The following DCC variants were observed in gnomAD, a reference collection of about 807,000 sequenced individuals.
DCC encodes the protein netrin receptor DCC.
In DCC, 58 loss-of-function variants were observed where a neutral mutation model predicts 172.5. That is an observed-to-expected ratio of 0.34 (90% CI 0.27 to 0.42). The LOEUF (loss-of-function observed/expected upper bound fraction) is 0.42. DCC is among the 10% of genes least tolerant of loss of function. The probability of loss-of-function intolerance (pLI) is 1.00; values close to 1 mark genes in which losing one functional copy is unlikely to be tolerated. For synonymous variants in DCC, 709 were observed against 644.5 expected (o/e 1.10, Z -1.52); for missense variants, 1,740 against 1,791.0 (o/e 0.97, Z 0.51).
At chr18:52,617,816 G>A (rs185997520) in intron 1 of DCC, among the ~76,000 whole-genome samples, 89 of 152,126 alleles carry the variant, frequency 5.9e-4, no homozygotes, top group African/African-American at 2.1e-3. Context: ...ATGAAGAGAA[G>A]CTTATTTTGC....
intron 2 of DCC, among the ~76,000 whole-genome samples, chr18:52,882,806 T>C (rs1249819364): frequency 2.0e-5 from 3 of 152,136 alleles, no homozygotes; most frequent in Non-Finnish European, 4.4e-5. Context: ...ATCTGATGTT[T>C]CTTTGTTGAT....
intron 12 of DCC, among the ~76,000 whole-genome samples, chr18:53,223,833 C>T (rs2055980123): frequency 6.6e-6 from 1 of 152,100 alleles, no homozygotes; most frequent in South Asian, 2.1e-4. Context: ...CTATTTTAGT[C>T]AATATTCTAG....
chr18:53,490,762 GTA>G (rs1599211469), intron 26 of DCC, among the ~76,000 whole-genome samples: 1 of 152,230 alleles, frequency 6.6e-6, no homozygotes, highest in Non-Finnish European at 1.5e-5. Flanking sequence ...TGAAATGAGA[GTA>G]TTTCACTGGC....
chr18:53,145,070 G>C (rs1489509506), intron 7 of DCC, among the ~76,000 whole-genome samples: 2 of 143,416 alleles, frequency 1.4e-5, no homozygotes, highest in East Asian at 4.4e-4. Context: ...AAGTGGTGGG[G>C]CCTTTTGGGA....
chr18:53,024,150 T>G (rs1168013942), intron 5 of DCC, among the ~76,000 whole-genome samples: 2 of 152,176 alleles, frequency 1.3e-5, no homozygotes, highest in African/African-American at 2.4e-5. Flanking sequence ...CCTATTTGCC[T>G]TTAGCTCAGG....
intron 1 of DCC, among the ~76,000 whole-genome samples, chr18:52,660,324 T>C (rs2035334642): frequency 6.6e-6 from 1 of 152,102 alleles, no homozygotes; most frequent in South Asian, 2.1e-4. Flanking sequence ...TCTTTTCCTT[T>C]TTCTGCAACT....
intron 1 of DCC, among the ~76,000 whole-genome samples, chr18:52,377,326 C>A (rs1201555347): frequency 2.0e-5 from 3 of 152,138 alleles, no homozygotes; most frequent in Non-Finnish European, 4.4e-5. Flanking sequence ...TGGTCTTTTT[C>A]TAATGGTGAC....
chr18:52,467,053 A>AAT (rs558844229), intron 1 of DCC, among the ~76,000 whole-genome samples: 11 of 150,692 alleles, frequency 7.3e-5, no homozygotes, highest in African/African-American at 2.7e-4. Flanking sequence ...TTAAAAAAAA[A>AAT]ATATATATAT....
rs775918127 is a variant in DCC, at chr18:53,459,291, C to G, written c.3452C>G (p.Pro1151Arg). The G allele has an allele frequency of 6.2e-7, 1 of 1,614,148 alleles. No individual in the cohort carries two copies. The highest frequency in any genetic ancestry group is 8.5e-7 in the Non-Finnish European group (1 of 1,180,022). Residue 1151 changes from proline to arginine, a missense_variant, in exon 24 of 29, where the codon CCT becomes CGT. Pro to Arg is a moderately radical substitution (Grantham distance 103). This residue lies in a region of DCC where 1,732 missense variants were observed against 1,767.4 expected (regional missense o/e 0.98). Transcript: ENST00000442544. ...GGCAGCCAGAAGGACCTCCGACCCC[C>G]TGATCTTTGGATCCATCATGAAGAA... ...RKGSQKDLRP[P>R]DLWIHHEEME...
At chr18:53,357,536 C>A (rs904473849) in intron 15 of DCC, among the ~76,000 whole-genome samples, 3 of 152,132 alleles carry the variant, frequency 2.0e-5, no homozygotes, top group African/African-American at 4.8e-5. Context: ...TGAATAAGTA[C>A]CATGTAGAGA....
chr18:52,720,078 G>GAT (rs1334209859), intron 1 of DCC, among the ~76,000 whole-genome samples: 1 of 152,072 alleles, frequency 6.6e-6, no homozygotes, highest in Non-Finnish European at 1.5e-5. Context: ...GGCTAGGTAT[G>GAT]ATACGGTGGC....
intron 1 of DCC, among the ~76,000 whole-genome samples, chr18:52,728,930 G>T (rs762387781): frequency 2.2e-4 from 33 of 152,186 alleles, no homozygotes; most frequent in Non-Finnish European, 4.7e-4. Flanking sequence ...GTTTGGAGAA[G>T]TGATTAGAAA....
At chr18:52,343,375 T>C (rs913265657) in intron 1 of DCC, among the ~76,000 whole-genome samples, 18 of 152,120 alleles carry the variant, frequency 1.2e-4, no homozygotes, top group African/African-American at 3.9e-4. Context: ...ACTTTGTTGA[T>C]TGGTAACAAA....
intron 1 of DCC, among the ~76,000 whole-genome samples, chr18:52,526,011 C>T (rs1350123856): frequency 6.6e-6 from 1 of 152,174 alleles, no homozygotes; most frequent in Non-Finnish European, 1.5e-5. Context: ...CCTTTATTTT[C>T]TTTATATAAT....
intron 5 of DCC, among the ~76,000 whole-genome samples, chr18:52,962,143 A>C (rs1004447947): frequency 8.6e-5 from 13 of 150,560 alleles, no homozygotes; most frequent in Non-Finnish European, 1.2e-4. Context: ...CTGCACAGCA[A>C]AAGAAACTAC....
chr18:53,428,345 T>TATAATATA (rs1911217213), intron 21 of DCC, among the ~76,000 whole-genome samples: 1 of 65,068 alleles, frequency 1.5e-5, no homozygotes, highest in Non-Finnish European at 3.0e-5. Flanking sequence ...TTGTATATAA[T>TATAATATA]ATAATATATG....
At chr18:53,495,921 G>A (rs2046017094) in intron 26 of DCC, among the ~76,000 whole-genome samples, 1 of 151,950 alleles carries the variant, frequency 6.6e-6, no homozygotes, top group African/African-American at 2.4e-5. Flanking sequence ...TCGTCTCTGG[G>A]CAGGGCATCT....
intron 7 of DCC, among the ~76,000 whole-genome samples, chr18:53,086,921 G>A (rs374000068): frequency 6.6e-6 from 1 of 151,546 alleles, no homozygotes; most frequent in Non-Finnish European, 1.5e-5. Context: ...TCCCTACAAA[G>A]GACATGAACT....
chr18:52,416,554 C>T (rs1331670418), intron 1 of DCC, among the ~76,000 whole-genome samples: 3 of 150,208 alleles, frequency 2.0e-5, no homozygotes, highest in East Asian at 2.0e-4. Context: ...AATCTGGGTG[C>T]TCCTGTATTG....
Sources: gnomAD v4.1 joint callset for allele counts (sites outside exome capture counted in the v4.1 genomes callset) on GRCh38, gnomAD v4.1.1 for gene constraint, gnomAD v4.1.1 regional missense constraint, MANE v1.5 for transcripts, NCBI Gene and HGNC (gene_info 2026-07-23, HGNC 2026-07-21) for gene names.